KCNT1: variants seen among roughly 807,000 people sequenced by gnomAD.
KCNT1 encodes the protein potassium channel subfamily T member 1.
A neutral mutation model predicts 147.8 loss-of-function variants in KCNT1; 78 were observed. The ratio of observed to expected loss-of-function variants is 0.53; its 90% CI spans 0.44 to 0.64. The LOEUF is 0.64. Ranked by LOEUF, KCNT1 falls within the 30% of genes least tolerant of loss-of-function variation. The pLI, the probability that KCNT1 is intolerant of heterozygous loss-of-function variation, is 0.00. For missense variants in KCNT1, 1,419 were observed against 1,750.3 expected (o/e 0.81, Z 3.38); for synonymous variants, 867 against 748.8 (o/e 1.16, Z -2.58).
rs148525032 is a variant in KCNT1, at chr9:135,791,852, C to T, written c.3558C>T (p.Pro1186=). The part of the protein sequence containing the change: ...TLSYVLINPP[P]DTRLEPSDIV... Reference sequence around the variant, plus strand: ...CCTACGTCCTCATCAACCCTCCGCCCGACACGAGGCTGGAGCCCAGTGACA... The same window carrying T: ...CCTACGTCCTCATCAACCCTCCGCCTGACACGAGGCTGGAGCCCAGTGACA... The change falls in exon 30 of 31, where the codon CCC becomes CCT. Residue 1186 remains proline (P), a synonymous_variant. Transcript: ENST00000371757. 278 of 1,613,906 alleles carry T rather than the reference C, an allele frequency of 1.7e-4. No individual in the cohort carries two copies. Among genetic ancestry groups the T allele is most frequent in the Middle Eastern group, 1.6e-4 (1 of 6,062 alleles).
At chr9:135,764,318 T>G (rs10116667) in intron 11 of KCNT1, among the ~76,000 whole-genome samples, 34,793 of 151,842 alleles carry the variant, frequency 0.23, 4,090 homozygotes, top group Middle Eastern at 0.34. Flanking sequence ...AACTAGCTGG[T>G]CATGGTGGTG....
chr9:135,739,919 T>G (rs758323685), intron 2 of KCNT1, among the ~76,000 whole-genome samples: 1 of 152,102 alleles, frequency 6.6e-6, no homozygotes, highest in Non-Finnish European at 1.5e-5. Context: ...CAGGGGTGTT[T>G]GCTGGGCCCA....
chr9:135,760,758 T>C (rs1240146119), intron 11 of KCNT1, among the ~76,000 whole-genome samples: 2 of 152,230 alleles, frequency 1.3e-5, no homozygotes, highest in East Asian at 3.9e-4. Flanking sequence ...GTGGGCCATG[T>C]TCTCCACATC....
Position 135,794,415 on chromosome 9 carries a change from A to G in KCNT1, c.*2254A>G, listed in dbSNP as rs1164759012. 1.3e-5 allele frequency: 2 copies of G among 152,286 alleles called. No homozygotes were observed. The highest frequency in any genetic ancestry group is 4.8e-5 in the African/African-American group (2 of 41,470). 9.4% of individuals were successfully genotyped at this position (152,286 alleles called of 1,614,324 possible). A position where few individuals can be genotyped will look rare whatever the true frequency, so the allele number is the denominator to read the frequency against. ...ACATCAGTGGTCCGTTCCCTCCTGC[A>G]CACTGGTGGCAAGTGGCAGCATTTT... is the stretch of plus-strand genomic sequence containing the variant. On this transcript the variant is annotated 3_prime_UTR_variant, in exon 31 of 31. Coordinates refer to ENST00000371757, the MANE Select transcript of KCNT1 (RefSeq NM_020822.3).
chr9:135,738,890 G>T (rs772374860), intron 2 of KCNT1, among the ~76,000 whole-genome samples: 4 of 152,166 alleles, frequency 2.6e-5, no homozygotes, highest in Admixed American at 6.5e-5. Context: ...CGTGGCTTCA[G>T]TGGTGGGGTC....
chr9:135,753,865 G>A, intron 4 of KCNT1, 72 bp from the exon 5 acceptor site: 1 of 1,537,588 alleles, frequency 6.5e-7, no homozygotes, highest in South Asian at 1.1e-5. Context: ...GCCTGTGGAA[G>A]CCCTCGGGCA....
intron 11 of KCNT1, among the ~76,000 whole-genome samples, chr9:135,762,876 A>G (rs1318236880): frequency 1.3e-5 from 2 of 152,268 alleles, no homozygotes; most frequent in Non-Finnish European, 2.9e-5. Flanking sequence ...AACTGATTGC[A>G]TCGATGGGTA....
At chr9:135,734,370 G>A (rs1830248532) in intron 2 of KCNT1, among the ~76,000 whole-genome samples, 1 of 152,210 alleles carries the variant, frequency 6.6e-6, no homozygotes, top group Non-Finnish European at 1.5e-5. Flanking sequence ...GGGGGCTTCT[G>A]GGACTGCTGC....
intron 2 of KCNT1, among the ~76,000 whole-genome samples, chr9:135,718,291 C>G (rs1447485524): frequency 1.3e-5 from 2 of 152,188 alleles, no homozygotes; most frequent in Non-Finnish European, 2.9e-5. Context: ...GGTGGGAGGA[C>G]GTGCTTATCT....
chr9:135,749,295 C>T (rs1831015043), intron 2 of KCNT1, among the ~76,000 whole-genome samples: 1 of 152,226 alleles, frequency 6.6e-6, no homozygotes. Context: ...GTGAGCCACG[C>T]AATCTCCCCA....
chr9:135,774,605 GTGT>G (rs1439035744), intron 19 of KCNT1, among the ~76,000 whole-genome samples: 2 of 151,710 alleles, frequency 1.3e-5, no homozygotes, highest in Non-Finnish European at 2.9e-5. Flanking sequence ...TACGTGTTGT[GTGT>G]TGTGTATGTT....
In KCNT1 at chr9:135,724,326, C is replaced by G. The variant is rs115246642; in HGVS notation, c.254+9606C>G. Reference sequence around the variant, plus strand: ...GGGCGGGTAGAGACAGCGGGCCCCGCGTGCACTCCCATCCTGAGCCCCCTG... The same window carrying G: ...GGGCGGGTAGAGACAGCGGGCCCCGGGTGCACTCCCATCCTGAGCCCCCTG... On this transcript the variant is annotated intron_variant, in intron 2 of 30. Transcript: ENST00000371757. Among the ~76,000 whole-genome samples the G allele has an allele frequency of 4.3e-3, 656 of 152,360 alleles. 3 individuals carry two copies. The highest frequency in any genetic ancestry group is 0.013 in the African/African-American group (561 of 41,586).
chr9:135,756,887 A>G lies in KCNT1; in HGVS notation c.555A>G (p.Ile185Met), dbSNP rs1588321846. The change falls in exon 7 of 31, where the codon ATA (isoleucine) becomes ATG (methionine). Residue 185 changes from isoleucine to methionine, a missense_variant. Around this residue, in one of 5 missense-constraint regions of KCNT1, gnomAD observed 401 missense variants for 610.6 expected, o/e 0.66. Coordinates refer to ENST00000371757, the MANE Select transcript of KCNT1 (RefSeq NM_020822.3). ...CTGACTCCCAGGTCATCGTGGCCATAATAAGCTTCCTGGAGACGATGCTTC... is the reference window on the plus strand; with the variant it reads ...CTGACTCCCAGGTCATCGTGGCCATGATAAGCTTCCTGGAGACGATGCTTC... Reference protein sequence around the residue: ...TLWAIQVIVAIISFLETMLLI... With the variant: ...TLWAIQVIVAMISFLETMLLI... 1.9e-6 allele frequency: 3 copies of G among 1,613,184 alleles called. No homozygotes were observed. Among genetic ancestry groups the G allele is most frequent in the Non-Finnish European group, 2.5e-6 (3 of 1,179,846 alleles).
At chr9:135,707,664 G>A (rs1476646101) in intron 1 of KCNT1, among the ~76,000 whole-genome samples, 2 of 152,124 alleles carry the variant, frequency 1.3e-5, no homozygotes, top group Non-Finnish European at 2.9e-5. Flanking sequence ...ACAGCAGAAG[G>A]GCTCGCCTGG....
intron 4 of KCNT1, 89 bp downstream of exon 4, chr9:135,751,130 G>A: frequency 8.0e-7 from 1 of 1,245,696 alleles, no homozygotes; most frequent in Non-Finnish European, 1.2e-6. Context: ...TGGCGTCCCT[G>A]GGGGAGCCCC....
intron 2 of KCNT1, among the ~76,000 whole-genome samples, chr9:135,739,885 C>T (rs945472525): frequency 2.6e-5 from 4 of 152,152 alleles, no homozygotes; most frequent in African/African-American, 9.7e-5. Flanking sequence ...CCCAGGCCCT[C>T]GGGGGACACC....
At chr9:135,712,645 T>C (rs1274961032) in intron 1 of KCNT1, among the ~76,000 whole-genome samples, 1 of 152,192 alleles carries the variant, frequency 6.6e-6, no homozygotes, top group Non-Finnish European at 1.5e-5. Flanking sequence ...GCAGCTGTTT[T>C]GCTGCTGTCC....
At chr9:135,762,549 A>C (rs1314676567) in intron 11 of KCNT1, among the ~76,000 whole-genome samples, 1 of 152,142 alleles carries the variant, frequency 6.6e-6, no homozygotes, top group Non-Finnish European at 1.5e-5. Flanking sequence ...GGCGTTCAAG[A>C]CCAGCCTGGG....
At chr9:135,768,790 G>T (rs370752606) in intron 14 of KCNT1, 39 bp from the exon 15 acceptor site, 9 of 1,579,678 alleles carry the variant, frequency 5.7e-6, no homozygotes, top group Non-Finnish European at 7.8e-6. Flanking sequence ...GCCCACAGAG[G>T]CCAGCCCGTC....
Sources: gnomAD v4.1 joint callset for allele counts (sites outside exome capture counted in the v4.1 genomes callset) on GRCh38, gnomAD v4.1.1 for gene constraint, gnomAD v4.1.1 regional missense constraint, MANE v1.5 for transcripts, NCBI Gene and HGNC (gene_info 2026-07-23, HGNC 2026-07-21) for gene names.